DLG2: variants seen among roughly 807,000 people sequenced by gnomAD.
The protein encoded by DLG2 is disks large homolog 2.
A neutral mutation model predicts 132.5 loss-of-function variants in DLG2; 45 were observed. The observed-to-expected ratio is 0.34, with a 90% CI of 0.27 to 0.44. The LOEUF is 0.44. Ranked by LOEUF, DLG2 falls within the 20% of genes least tolerant of loss-of-function variation. The pLI, the probability that DLG2 is intolerant of heterozygous loss-of-function variation, is 1.00. For synonymous variants in DLG2, 424 were observed against 419.6 expected (o/e 1.01, Z -0.13); for missense variants, 1,045 against 1,196.9 (o/e 0.87, Z 1.87).
chr11:85,484,420 C>G (rs2093378659), intron 3 of DLG2, among the ~76,000 whole-genome samples: 3 of 151,068 alleles, frequency 2.0e-5, no homozygotes, highest in East Asian at 3.9e-4. Flanking sequence ...AGGCAACCTA[C>G]AAAATGGGAG....
At chr11:83,654,751 ATTTAATG>A (rs2071806930) in intron 18 of DLG2, among the ~76,000 whole-genome samples, 1 of 152,232 alleles carries the variant, frequency 6.6e-6, no homozygotes. Context: ...AAGTAATTTT[ATTTAATG>A]CATGGCAGCA....
intron 14 of DLG2, among the ~76,000 whole-genome samples, chr11:83,949,770 AT>A (rs1414723653): frequency 6.6e-6 from 1 of 152,164 alleles, no homozygotes; most frequent in East Asian, 1.9e-4. Context: ...GCCTAGACTT[AT>A]CCAGTTCCAA....
At chr11:85,599,031 C>T (rs1432948836) in intron 2 of DLG2, among the ~76,000 whole-genome samples, 1 of 152,102 alleles carries the variant, frequency 6.6e-6, no homozygotes, top group Non-Finnish European at 1.5e-5. Context: ...ACAAAGAATT[C>T]AATCCTGGCC....
At chr11:84,611,271 A>C (rs1433100304) in intron 6 of DLG2, among the ~76,000 whole-genome samples, 10 of 152,170 alleles carry the variant, frequency 6.6e-5, no homozygotes, top group Non-Finnish European at 4.4e-5. Context: ...GTATGAATAA[A>C]TAAATGATGA....
Position 83,458,393 on chromosome 11 carries a change from G to A in DLG2, c.*1425C>T, listed in dbSNP as rs1262317021. ...CAGCTCCAAGAAAGGCAGTTCAGTT[G>A]GTTGAGCTCAAAGTCATTAATTGTC... On this transcript the variant is annotated 3_prime_UTR_variant, in exon 28 of 28. Coordinates refer to ENST00000376104, the MANE Select transcript of DLG2 (RefSeq NM_001142699.3). The A allele has an allele frequency of 1.3e-5, 2 of 152,552 alleles. No homozygotes were observed. Among genetic ancestry groups the A allele is most frequent in the African/African-American group, 2.4e-5 (1 of 41,424 alleles). 9.4% of individuals were successfully genotyped at this position (152,552 alleles called of 1,614,324 possible).
At chr11:85,397,421 C>A (rs113282143) in intron 3 of DLG2, among the ~76,000 whole-genome samples, 1 of 152,272 alleles carries the variant, frequency 6.6e-6, no homozygotes, top group South Asian at 2.1e-4. Context: ...CAAGTTCAAA[C>A]ATAATAATAT....
chr11:83,533,663 A>G (rs2095813601), intron 20 of DLG2, among the ~76,000 whole-genome samples: 1 of 152,198 alleles, frequency 6.6e-6, no homozygotes, highest in African/African-American at 2.4e-5. Context: ...CACATTCCTC[A>G]ACCTGAAGAT....
At chr11:83,960,440 G>T (rs574041244) in intron 14 of DLG2, among the ~76,000 whole-genome samples, 2 of 152,030 alleles carry the variant, frequency 1.3e-5, no homozygotes, top group South Asian at 4.1e-4. Context: ...ACAAAAAGTT[G>T]CCAATTTTTC....
chr11:84,087,752 T>C (rs932403583), intron 10 of DLG2, among the ~76,000 whole-genome samples: 2 of 152,182 alleles, frequency 1.3e-5, no homozygotes, highest in African/African-American at 2.4e-5. Context: ...GTGATTCAGA[T>C]GGCCTTTTGA....
chr11:83,804,365 T>C (rs1459251443), intron 17 of DLG2, among the ~76,000 whole-genome samples: 1 of 152,136 alleles, frequency 6.6e-6, no homozygotes, highest in Non-Finnish European at 1.5e-5. Flanking sequence ...TTTTCCTTTC[T>C]AATTTACTAT....
intron 6 of DLG2, among the ~76,000 whole-genome samples, chr11:84,975,602 G>A (rs2054787727): frequency 6.6e-6 from 1 of 151,978 alleles, no homozygotes; most frequent in Non-Finnish European, 1.5e-5. Flanking sequence ...CTTATGTGAG[G>A]GGAAAAAATC....
intron 6 of DLG2, among the ~76,000 whole-genome samples, chr11:84,723,929 T>C (rs2062110581): frequency 6.6e-6 from 1 of 152,156 alleles, no homozygotes; most frequent in Non-Finnish European, 1.5e-5. Flanking sequence ...AACAGGATTA[T>C]CAATAAATGT....
At chr11:85,576,507 C>G (rs901444654) in intron 3 of DLG2, among the ~76,000 whole-genome samples, 8 of 152,054 alleles carry the variant, frequency 5.3e-5, no homozygotes, top group Non-Finnish European at 1.0e-4. Context: ...ATTTTTTGAA[C>G]ATAGTACTTT....
intron 3 of DLG2, among the ~76,000 whole-genome samples, chr11:85,390,591 T>C (rs1309866480): frequency 6.6e-6 from 1 of 151,920 alleles, no homozygotes; most frequent in East Asian, 1.9e-4. Context: ...GCAAGTATTC[T>C]CTCAGACCAC....
chr11:85,230,999 T>C (rs2075271946), intron 4 of DLG2, among the ~76,000 whole-genome samples: 2 of 151,968 alleles, frequency 1.3e-5, no homozygotes, highest in South Asian at 4.1e-4. Flanking sequence ...ACTTCCTAGC[T>C]ACCAAAACTG....
chr11:84,987,948 T>C lies in DLG2; in HGVS notation c.357+123713A>G, dbSNP rs556682551. On this transcript the variant is annotated intron_variant, in intron 6 of 27. Coordinates refer to ENST00000376104, the MANE Select transcript of DLG2 (RefSeq NM_001142699.3). ...CTTAATTAAACAAAGAGTTTTTGCA[T>C]GGCAAAAGGAATGGTCAGCAGAGTA... Among the ~76,000 whole-genome samples, 19 of 152,270 alleles carry C rather than the reference T, an allele frequency of 1.2e-4. No individual in the cohort carries two copies. In the South Asian group the frequency reaches 3.9e-3, roughly 32 times the overall value.
chr11:85,325,222 C>T (rs1344738928), intron 3 of DLG2, among the ~76,000 whole-genome samples: 1 of 151,824 alleles, frequency 6.6e-6, no homozygotes, highest in Non-Finnish European at 1.5e-5. Context: ...CCCAGGCTTG[C>T]TTAGGTAAAC....
chr11:84,726,850 A>C (rs952091094), intron 6 of DLG2, among the ~76,000 whole-genome samples: 1 of 152,154 alleles, frequency 6.6e-6, no homozygotes, highest in Non-Finnish European at 1.5e-5. Context: ...TTCTCTAATA[A>C]CCAGTGATAA....
chr11:84,725,087 G>C (rs2062267370), intron 6 of DLG2, among the ~76,000 whole-genome samples: 1 of 152,134 alleles, frequency 6.6e-6, no homozygotes, highest in Admixed American at 6.6e-5. Flanking sequence ...AGAGAATATT[G>C]ATAACAGTAA....
Sources: gnomAD v4.1 joint callset for allele counts (sites outside exome capture counted in the v4.1 genomes callset) on GRCh38, gnomAD v4.1.1 for gene constraint, MANE v1.5 for transcripts, NCBI Gene and HGNC (gene_info 2026-07-23, HGNC 2026-07-21) for gene names.